SLC9A9: variants seen among roughly 807,000 people sequenced by gnomAD.
SLC9A9 encodes solute carrier family 9 member A9.
A neutral mutation model predicts 77.8 loss-of-function variants in SLC9A9; 62 were observed. The ratio of observed to expected loss-of-function variants is 0.80; its 90% CI spans 0.65 to 0.98. The LOEUF is 0.98. Among genes scored for constraint, SLC9A9 ranks in the 50% least tolerant of loss-of-function variants. SLC9A9 has a pLI of 0.00. For synonymous variants in SLC9A9, 320 were observed against 283.5 expected, an observed-to-expected ratio of 1.13 and a Z score of -1.29; for missense variants, 775 against 774.9, an observed-to-expected ratio of 1.00 and a Z score of 0.00.
In SLC9A9 at chr3:143,473,593, T is replaced by C. The variant is rs908701578; in HGVS notation, c.1316-6403A>G. ...TCATCCCACTCCTATGAAGTTTTCC[T>C]GGAATACTTTAGTCCACTTTGTTCT... On this transcript the variant is annotated intron_variant, in intron 11 of 15. Coordinates refer to ENST00000316549, the MANE Select transcript of SLC9A9 (RefSeq NM_173653.4). Among the ~76,000 whole-genome samples, 114 of 152,236 alleles carry C rather than the reference T, an allele frequency of 7.5e-4. 1 individual carries two copies. The highest frequency in any genetic ancestry group is 1.5e-3 in the Non-Finnish European group (105 of 68,044).
intron 6 of SLC9A9, among the ~76,000 whole-genome samples, chr3:143,650,451 A>G (rs969428481): frequency 2.0e-5 from 3 of 152,166 alleles, no homozygotes; most frequent in African/African-American, 7.2e-5. Flanking sequence ...GGCACATGGA[A>G]ATGTGCAAAA....
intron 5 of SLC9A9, among the ~76,000 whole-genome samples, chr3:143,676,211 T>C (rs1392995417): frequency 6.6e-6 from 1 of 152,186 alleles, no homozygotes; most frequent in Non-Finnish European, 1.5e-5. Context: ...CACCTCCTGC[T>C]GTGCAGCTTG....
intron 6 of SLC9A9, among the ~76,000 whole-genome samples, 178 bp downstream of exon 6, chr3:143,652,077 T>C (rs1190589920): frequency 1.3e-5 from 2 of 152,162 alleles, no homozygotes; most frequent in Non-Finnish European, 2.9e-5. Context: ...ATAAAACCCA[T>C]TAATAGTATT....
intron 5 of SLC9A9, among the ~76,000 whole-genome samples, chr3:143,657,717 T>C (rs1387355658): frequency 2.0e-5 from 3 of 152,224 alleles, no homozygotes; most frequent in African/African-American, 7.2e-5. Context: ...AATGCCACTT[T>C]TCTAATTTTT....
intron 8 of SLC9A9, among the ~76,000 whole-genome samples, chr3:143,568,143 T>G (rs2037200507): frequency 6.6e-6 from 1 of 152,154 alleles, no homozygotes; most frequent in African/African-American, 2.4e-5. Context: ...TCCAGGGATC[T>G]GGTGGCAGGA....
At chr3:143,578,750 G>C (rs571710856) in intron 6 of SLC9A9, 27 bp from the exon 7 acceptor site, 2 of 1,613,460 alleles carry the variant, frequency 1.2e-6, no homozygotes, top group South Asian at 1.1e-5. Context: ...GTGGAGGTTA[G>C]TTAGTGACTT....
At chr3:143,816,582 C>G (rs1453840201) in intron 2 of SLC9A9, among the ~76,000 whole-genome samples, 2 of 151,996 alleles carry the variant, frequency 1.3e-5, no homozygotes, top group Admixed American at 6.6e-5. Context: ...ATTTTTTTCC[C>G]TTCTCTTGTT....
intron 4 of SLC9A9, among the ~76,000 whole-genome samples, chr3:143,761,869 CT>C (rs2007135754): frequency 6.6e-6 from 1 of 152,294 alleles, no homozygotes; most frequent in African/African-American, 2.4e-5. Flanking sequence ...ATAAATCATG[CT>C]GCTATAAAGA....
intron 9 of SLC9A9, among the ~76,000 whole-genome samples, chr3:143,540,598 T>A (rs989362828): frequency 2.6e-5 from 4 of 152,072 alleles, no homozygotes; most frequent in African/African-American, 9.7e-5. Flanking sequence ...ATGATCAGGA[T>A]CACGTGTAAA....
chr3:143,328,867 C>A (rs915668060), intron 14 of SLC9A9, among the ~76,000 whole-genome samples: 2 of 152,196 alleles, frequency 1.3e-5, no homozygotes, highest in Non-Finnish European at 2.9e-5. Flanking sequence ...ACTGTCCTTG[C>A]CTATCTGCAA....
At chr3:143,429,154 T>C (rs1312610888) in intron 12 of SLC9A9, among the ~76,000 whole-genome samples, 1 of 152,212 alleles carries the variant, frequency 6.6e-6, no homozygotes, top group East Asian at 1.9e-4. Flanking sequence ...TTGTGCCCCA[T>C]AAATATGCAT....
intron 11 of SLC9A9, among the ~76,000 whole-genome samples, chr3:143,471,251 T>A (rs1047697816): frequency 6.6e-6 from 1 of 152,168 alleles, no homozygotes; most frequent in East Asian, 1.9e-4. Flanking sequence ...CCAGATGAGG[T>A]GGACTATTGT....
At chr3:143,729,997 A>G (rs1011246146) in intron 4 of SLC9A9, among the ~76,000 whole-genome samples, 5 of 152,214 alleles carry the variant, frequency 3.3e-5, no homozygotes, top group Non-Finnish European at 7.3e-5. Context: ...CCTGTCAGCT[A>G]AAAAGTACAG....
At chr3:143,353,630 T>G (rs1048806674) in intron 14 of SLC9A9, among the ~76,000 whole-genome samples, 1 of 152,168 alleles carries the variant, frequency 6.6e-6, no homozygotes, top group Non-Finnish European at 1.5e-5. Context: ...AACACTTTTT[T>G]GCTCAGGACT....
chr3:143,658,092 C>T lies in SLC9A9; in HGVS notation c.650-5732G>A, dbSNP rs976793886. Among the ~76,000 whole-genome samples, 6 of 152,242 alleles carry T rather than the reference C, an allele frequency of 3.9e-5. No individual in the cohort carries two copies. In the South Asian group the frequency reaches 1.2e-3, roughly 32 times the overall value. On this transcript the variant is annotated intron_variant, in intron 5 of 15. Transcript: ENST00000316549. ...ATCTTGGCCAGACTGGTCTTGAACT[C>T]CTGACCTCAAGGGATCTGCCCGCCT...
chr3:143,487,037 T>C (rs2035663811), intron 11 of SLC9A9, among the ~76,000 whole-genome samples: 1 of 151,988 alleles, frequency 6.6e-6, no homozygotes, highest in Non-Finnish European at 1.5e-5. Context: ...AGGAGACTGA[T>C]TTTAGGTCCA....
At chr3:143,696,907 A>G (rs1443183573) in intron 4 of SLC9A9, among the ~76,000 whole-genome samples, 1 of 152,114 alleles carries the variant, frequency 6.6e-6, no homozygotes, top group Admixed American at 6.6e-5. Context: ...TTGGCAATTT[A>G]TTCTAAAAGC....
intron 8 of SLC9A9, among the ~76,000 whole-genome samples, chr3:143,559,393 G>A (rs549698127): frequency 9.2e-5 from 14 of 152,302 alleles, no homozygotes; most frequent in South Asian, 2.1e-4. Context: ...CTACTGCGAC[G>A]TGTAAGACGT....
At chr3:143,728,586 C>T (rs148894733) in intron 4 of SLC9A9, among the ~76,000 whole-genome samples, 2 of 152,026 alleles carry the variant, frequency 1.3e-5, no homozygotes, top group Non-Finnish European at 2.9e-5. Context: ...TTTCAAGCAG[C>T]ATGGGAAGGT....
Sources: allele counts gnomAD v4.1 joint callset (sites outside exome capture counted in the v4.1 genomes callset), GRCh38; gene constraint gnomAD v4.1.1; transcripts MANE v1.5; gene names NCBI Gene and HGNC (gene_info 2026-07-23, HGNC 2026-07-21).